The following HPSE2 variants were observed in gnomAD, a reference collection of about 807,000 sequenced individuals.
The protein encoded by HPSE2 is inactive heparanase-2.
A neutral mutation model predicts 60.5 loss-of-function variants in HPSE2; 38 were observed. The ratio of observed to expected loss-of-function variants is 0.63; its 90% CI spans 0.48 to 0.82. HPSE2 has a LOEUF of 0.82. Ranked by LOEUF, HPSE2 falls within the 40% of genes least tolerant of loss-of-function variation. The pLI is 0.00. For missense variants in HPSE2, 713 were observed against 740.4 expected (o/e 0.96, Z 0.43); for synonymous variants, 295 against 293.2 (o/e 1.01, Z -0.06).
At chr10:98,634,566 C>T (rs1363024596) in intron 7 of HPSE2, among the ~76,000 whole-genome samples, 1 of 152,076 alleles carries the variant, frequency 6.6e-6, no homozygotes, top group Non-Finnish European at 1.5e-5. Context: ...CTAAGAGGAT[C>T]AAATAAGCAG....
intron 10 of HPSE2, among the ~76,000 whole-genome samples, chr10:98,488,090 AG>A (rs11294312): frequency 0.07 from 10,602 of 152,218 alleles, 1,166 homozygotes; most frequent in African/African-American, 0.24. Context: ...TACTGATAGA[AG>A]CCCAGTGACA....
At chr10:98,640,589 T>C (rs780539418) in intron 7 of HPSE2, among the ~76,000 whole-genome samples, 5 of 152,250 alleles carry the variant, frequency 3.3e-5, no homozygotes, top group African/African-American at 4.8e-5. Context: ...TTCAGAGCTA[T>C]AAATGAGCTA....
At position 98,868,037 on chromosome 10, in the gene HPSE2, G is replaced by A. The variant is rs201513108; in HGVS notation, c.611-123981C>T. 9.9e-5 allele frequency among the ~76,000 whole-genome samples: 15 copies of A among 151,708 alleles called. No homozygotes were observed. The East Asian group carries it at 2.7e-3, about 28-fold the overall frequency. ...AGATCGTGCCACTGCACTCCAGCCT[G>A]TGTGACAGAGACTCCATCTCCACAA... On this transcript the variant is annotated intron_variant, in intron 3 of 11. Transcript: ENST00000370552.
intron 3 of HPSE2, among the ~76,000 whole-genome samples, chr10:99,141,560 T>C (rs1008174296): frequency 2.0e-5 from 3 of 152,250 alleles, no homozygotes; most frequent in Non-Finnish European, 2.9e-5. Flanking sequence ...ATATATTAAA[T>C]TGTATTAGTT....
At chr10:98,638,137 CA>C (rs34364786) in intron 7 of HPSE2, among the ~76,000 whole-genome samples, 876 of 14,664 alleles carry the variant, frequency 0.06, 6 homozygotes, top group East Asian at 0.16. Flanking sequence ...AGACCCATCT[CA>C]AAAAAAAAAA....
the HPSE2 span, among the ~76,000 whole-genome samples, chr10:99,241,517 A>G: frequency 6.6e-6 from 1 of 152,202 alleles, no homozygotes; most frequent in African/African-American, 2.4e-5. Context: ...AGCACTTTGG[A>G]AGGCTAAGAC....
In HPSE2 at chr10:98,888,497, T is replaced by A. The variant is rs1184628660; in HGVS notation, c.611-144441A>T. Reference sequence around the variant, plus strand: ...GAAAACAAACCATAATGGAATCAGATATCATCTCACCTCCTAATTACCTGT... The same window carrying A: ...GAAAACAAACCATAATGGAATCAGAAATCATCTCACCTCCTAATTACCTGT... On this transcript the variant is annotated intron_variant, in intron 3 of 11. Transcript: ENST00000370552. 2.0e-5 allele frequency among the ~76,000 whole-genome samples: 3 copies of A among 152,316 alleles called. No individual in the cohort carries two copies. The East Asian group carries it at 5.8e-4, about 29-fold the overall frequency.
intron 3 of HPSE2, among the ~76,000 whole-genome samples, chr10:99,036,161 A>T (rs1339437634): frequency 6.6e-6 from 1 of 152,154 alleles, no homozygotes; most frequent in Non-Finnish European, 1.5e-5. Flanking sequence ...GCTGAAGTGA[A>T]CTATGAATGC....
At chr10:98,862,315 T>C (rs78609311) in intron 3 of HPSE2, among the ~76,000 whole-genome samples, 4 of 152,308 alleles carry the variant, frequency 2.6e-5, no homozygotes, top group African/African-American at 9.6e-5. Context: ...GGGGGTCTCA[T>C]ATATTCCAAG....
chr10:98,507,111 T>C (rs1427955139), intron 9 of HPSE2, among the ~76,000 whole-genome samples: 2 of 152,326 alleles, frequency 1.3e-5, no homozygotes, highest in African/African-American at 4.8e-5. Flanking sequence ...TGTATACGAA[T>C]AGGTTAATAA....
intron 3 of HPSE2, among the ~76,000 whole-genome samples, chr10:98,884,089 G>A (rs1352506477): frequency 6.6e-6 from 1 of 152,146 alleles, no homozygotes; most frequent in Non-Finnish European, 1.5e-5. Flanking sequence ...GAAAGATTTA[G>A]TGGTCTAGAT....
At chr10:98,832,021 C>G (rs1019500795) in intron 3 of HPSE2, among the ~76,000 whole-genome samples, 2 of 152,156 alleles carry the variant, frequency 1.3e-5, no homozygotes, top group Non-Finnish European at 2.9e-5. Context: ...CTCTGTTTCT[C>G]CCCCATCAAT....
chr10:99,287,564 G>A, the HPSE2 span, among the ~76,000 whole-genome samples: 1 of 152,136 alleles, frequency 6.6e-6, no homozygotes, highest in African/African-American at 2.4e-5. Flanking sequence ...AATATGGTCT[G>A]GTGTGAACAT....
intron 3 of HPSE2, among the ~76,000 whole-genome samples, chr10:99,114,933 A>G (rs1844619998): frequency 6.6e-6 from 1 of 151,142 alleles, no homozygotes; most frequent in Admixed American, 6.6e-5. Context: ...GAAGAAGAAG[A>G]AGAACATGAC....
intron 3 of HPSE2, among the ~76,000 whole-genome samples, chr10:99,033,115 T>C (rs1242127848): frequency 6.6e-6 from 1 of 152,128 alleles, no homozygotes; most frequent in Non-Finnish European, 1.5e-5. Flanking sequence ...ACACTGAAGT[T>C]TCAAAAAGGT....
intron 6 of HPSE2, among the ~76,000 whole-genome samples, chr10:98,676,286 T>C (rs961667203): frequency 5.3e-5 from 8 of 152,180 alleles, no homozygotes; most frequent in Admixed American, 2.0e-4. Flanking sequence ...AGCTGGAGTT[T>C]GCTCAGACTG....
chr10:99,213,448 A>G (rs1273755047), intron 2 of HPSE2, among the ~76,000 whole-genome samples: 1 of 152,180 alleles, frequency 6.6e-6, no homozygotes, highest in Non-Finnish European at 1.5e-5. Context: ...GATCAAAGGA[A>G]AGCATCATCA....
At position 98,626,118 on chromosome 10, in the gene HPSE2, GAAAAAGA is replaced by G. The variant is rs1408594378; in HGVS notation, c.1099-5417_1099-5411del. On this transcript the variant is annotated intron_variant, in intron 7 of 11. Coordinates refer to ENST00000370552, the MANE Select transcript of HPSE2 (RefSeq NM_021828.5). ...GAGACTCCGTCTCAAAAAAAAAAAA[GAAAAAGA>G]AAAAAGAAAAAAGATGAATAAAAAC... Among the ~76,000 whole-genome samples the G allele has an allele frequency of 4.0e-4, 37 of 92,086 alleles. No individual in the cohort carries two copies. The South Asian group carries it at 9.3e-3, about 23-fold the overall frequency. 60.4% of individuals were successfully genotyped at this position (92,086 alleles called of 152,430 possible).
At chr10:98,876,148 A>G (rs1952871652) in intron 3 of HPSE2, among the ~76,000 whole-genome samples, 1 of 151,980 alleles carries the variant, frequency 6.6e-6, no homozygotes, top group Non-Finnish European at 1.5e-5. Context: ...AATGTCAGCT[A>G]TTGTACTTAC....
Sources: allele counts gnomAD v4.1 joint callset (sites outside exome capture counted in the v4.1 genomes callset), GRCh38; gene constraint gnomAD v4.1.1; transcripts MANE v1.5; gene names NCBI Gene and HGNC (gene_info 2026-07-23, HGNC 2026-07-21).